The following OGN variants were observed in gnomAD, a reference collection of about 807,000 sequenced individuals.
The protein encoded by OGN is osteoglycin.
OGN carries 19 observed loss-of-function variants against 30.8 expected under a neutral mutation model. The ratio of observed to expected loss-of-function variants is 0.62; its 90% CI spans 0.43 to 0.90. The LOEUF is 0.90. Ranked by LOEUF, OGN falls within the 40% of genes least tolerant of loss-of-function variation. The pLI is 0.00. For synonymous variants in OGN, 126 were observed against 128.3 expected (o/e 0.98, Z 0.12); for missense variants, 283 against 349.7 (o/e 0.81, Z 1.52).
chr9:92,394,607 T>G (rs182760426), intron 3 of OGN, among the ~76,000 whole-genome samples: 1 of 152,002 alleles, frequency 6.6e-6, no homozygotes, highest in East Asian at 1.9e-4. Context: ...TTTTTTGAAT[T>G]TTTTTTCTTT....
Position 92,394,522 on chromosome 9 carries a change from A to T in OGN, c.269-1278T>A, listed in dbSNP as rs2130907604. ...TGCCTCGGTCTCCCAAAGTGCCGGG[A>T]TTACAGACGTGAGCCATCACACCTG... On this transcript the variant is annotated intron_variant, in intron 3 of 6. Transcript: ENST00000375561. Among the ~76,000 whole-genome samples, 3 of 151,118 alleles carry T rather than the reference A, an allele frequency of 2.0e-5. No homozygotes were observed. The South Asian group carries it at 6.3e-4, about 32-fold the overall frequency.
At chr9:92,390,495 G>A (rs952560685) in intron 4 of OGN, among the ~76,000 whole-genome samples, 2 of 151,894 alleles carry the variant, frequency 1.3e-5, no homozygotes. Context: ...ATGCCTTATC[G>A]CTTAACAACA....
Position 92,385,404 on chromosome 9 carries a change from T to G in OGN, c.*216A>C, listed in dbSNP as rs1842378585. ...TAAACTAGGATTTTGTAATGCTGTT[T>G]AAATATTTTCATATTACTTTGTTTC... On this transcript the variant is annotated 3_prime_UTR_variant, in exon 7 of 7. Coordinates refer to ENST00000375561, the MANE Select transcript of OGN (RefSeq NM_014057.5). The G allele has an allele frequency of 2.1e-6, 1 of 476,464 alleles. No individual in the cohort carries two copies. The highest frequency in any genetic ancestry group is 3.8e-5 in the Admixed American group (1 of 26,420). The allele number at this position is 476,464 out of a possible 1,614,324, so 29.5% of individuals were successfully genotyped here.
rs147678135 is a variant in OGN, at chr9:92,400,629, A to T, written c.268+463T>A. ...GATAGAGTAAGAGTAAGCCAAGTAC[A>T]CAGGAATTATTAAGTAGGACTTGTA... is the stretch of plus-strand genomic sequence containing the variant. On this transcript the variant is annotated intron_variant, in intron 3 of 6. Transcript: ENST00000375561. Among the ~76,000 whole-genome samples the T allele has an allele frequency of 5.3e-5, 8 of 152,366 alleles. No homozygotes were observed. The East Asian group carries it at 1.5e-3, about 29-fold the overall frequency.
At chr9:92,393,030 T>C in intron 4 of OGN, 56 bp downstream of exon 4, 2 of 1,428,850 alleles carry the variant, frequency 1.4e-6, no homozygotes, top group South Asian at 2.6e-5. Context: ...CTTGTGTTTA[T>C]ATGAGTTAAA....
chr9:92,401,679 A>G (rs1278086189), intron 2 of OGN, among the ~76,000 whole-genome samples: 1 of 152,142 alleles, frequency 6.6e-6, no homozygotes, highest in Admixed American at 6.5e-5. Flanking sequence ...TTAATTACCT[A>G]TATCCCTCCA....
In OGN at chr9:92,385,720, C is replaced by T. The variant is rs770580940; in HGVS notation, c.797G>A (p.Arg266His). The T allele has an allele frequency of 1.3e-5, 21 of 1,613,850 alleles. No homozygotes were observed. The highest frequency in any genetic ancestry group is 7.7e-5 in the South Asian group (7 of 91,076). The part of the protein sequence containing the change: ...KANDTSYIRD[R>H]IEEIRLEGNP... ...GCCCTCCAGGCGTATCTCTTCAATGCGGTCCCGGATGTAACTGGTGTCATT... is the reference window on the plus strand; with the variant it reads ...GCCCTCCAGGCGTATCTCTTCAATGTGGTCCCGGATGTAACTGGTGTCATT... The change falls in exon 7 of 7, where the codon CGC becomes CAC. Residue 266 changes from arginine (R) to histidine (H), a missense_variant. By Grantham distance (29) the Arg-to-His change is conservative. Coordinates refer to ENST00000375561, the MANE Select transcript of OGN (RefSeq NM_014057.5).
At chr9:92,394,999 C>T (rs1588092636) in intron 3 of OGN, among the ~76,000 whole-genome samples, 1 of 152,116 alleles carries the variant, frequency 6.6e-6, no homozygotes, top group Non-Finnish European at 1.5e-5. Context: ...CAAATTGTCA[C>T]AGATTAGGCC....
At chr9:92,388,410 C>T (rs147190248) in intron 5 of OGN, among the ~76,000 whole-genome samples, 3,406 of 152,156 alleles carry the variant, frequency 0.022, 55 homozygotes, top group South Asian at 0.071. Flanking sequence ...GATCCGCCTG[C>T]CTCATCCTCC....
intron 4 of OGN, among the ~76,000 whole-genome samples, chr9:92,392,492 C>T (rs1255014671): frequency 6.6e-6 from 1 of 151,904 alleles, no homozygotes; most frequent in Non-Finnish European, 1.5e-5. Context: ...TGTGGTGGCA[C>T]ACACCTCAGC....
At position 92,403,274 on chromosome 9, in the gene OGN, T is replaced by C. The variant is rs772194179; in HGVS notation, c.134A>G (p.Gln45Arg). 6.2e-7 allele frequency: 1 copy of C among 1,603,612 alleles called. No homozygotes were observed. Among genetic ancestry groups the C allele is most frequent in the Admixed American group, 1.7e-5 (1 of 59,780 alleles). Residue 45 changes from glutamine to arginine, a missense_variant, in exon 2 of 7, where the codon CAA becomes CGA. Coordinates refer to ENST00000375561, the MANE Select transcript of OGN (RefSeq NM_014057.5). ...ATCCAGGTATTTATCCTCATAATCT[T>C]GGCTAAATATGGATTCTTCAAAATT... ...TDNFEESIFS[Q>R]DYEDKYLDGK...
chr9:92,384,878 A>G lies in OGN; in HGVS notation c.*742T>C, dbSNP rs578048491. On this transcript the variant is annotated 3_prime_UTR_variant, in exon 7 of 7. Transcript: ENST00000375561. ...GAACTTTTCATTATTTCTTATAAGC[A>G]TATTGGTTTTGGCCTGCTTGAGTTT... 1 of 152,588 alleles carries G rather than the reference A, an allele frequency of 6.6e-6. No individual in the cohort carries two copies. Among genetic ancestry groups the G allele is most frequent in the Admixed American group, 6.5e-5 (1 of 15,288 alleles). The allele number at this position is 152,588 out of a possible 1,614,324, so 9.5% of individuals were successfully genotyped here.
chr9:92,396,024 G>A (rs1232647239), intron 3 of OGN, among the ~76,000 whole-genome samples: 2 of 151,740 alleles, frequency 1.3e-5, no homozygotes, highest in Non-Finnish European at 2.9e-5. Context: ...TATACTTTGG[G>A]CTAATTTTTA....
Position 92,384,068 on chromosome 9 carries a change from A to G in OGN, c.*1552T>C, listed in dbSNP as rs1342830176. On this transcript the variant is annotated 3_prime_UTR_variant, in exon 7 of 7. Coordinates refer to ENST00000375561, the MANE Select transcript of OGN (RefSeq NM_014057.5). The stretch of plus-strand genomic sequence containing the variant: ...TTGAAAGTAAAAAGTATAAAGCTGC[A>G]TTTTGCGCTCTCAGTGAGGTTTAAG... 1 of 152,198 alleles carries G rather than the reference A, an allele frequency of 6.6e-6. No individual in the cohort carries two copies. The highest frequency in any genetic ancestry group is 6.5e-5 in the Admixed American group (1 of 15,286). The allele number at this position is 152,198 out of a possible 1,614,324, so 9.4% of individuals were successfully genotyped here.
chr9:92,395,183 C>T (rs1350113775), intron 3 of OGN, among the ~76,000 whole-genome samples: 1 of 152,154 alleles, frequency 6.6e-6, no homozygotes, highest in Non-Finnish European at 1.5e-5. Context: ...TTCTCCTGCC[C>T]TTTGGTAATC....
intron 2 of OGN, among the ~76,000 whole-genome samples, chr9:92,402,261 TATC>T (rs1324664695): frequency 5.3e-5 from 8 of 152,168 alleles, no homozygotes; most frequent in African/African-American, 1.9e-4. Flanking sequence ...AAAATAATGC[TATC>T]ATATTAAAAG....
At chr9:92,404,098 C>T (rs747538892) in intron 1 of OGN, among the ~76,000 whole-genome samples, 38 of 152,016 alleles carry the variant, frequency 2.5e-4, no homozygotes, top group Non-Finnish European at 3.8e-4. Flanking sequence ...GAGGAAATAC[C>T]GAACTTTAAT....
chr9:92,387,668 A>G (rs138338233), intron 5 of OGN, among the ~76,000 whole-genome samples: 59 of 152,324 alleles, frequency 3.9e-4, no homozygotes, highest in African/African-American at 1.4e-3. Flanking sequence ...CTTCCCAGTG[A>G]GTCTCATTTA....
rs774564800 is a variant in OGN, at chr9:92,390,003, C to G, written c.481G>C (p.Gly161Arg). 1 of 1,609,336 alleles carries G rather than the reference C, an allele frequency of 6.2e-7. No homozygotes were observed. The highest frequency in any genetic ancestry group is 1.7e-5 in the Admixed American group (1 of 59,994). Residue 161 changes from glycine to arginine, a missense_variant, in exon 5 of 7, where the codon GGT becomes CGT. Gly to Arg is a moderately radical substitution (Grantham distance 125, BLOSUM62 -2). Coordinates refer to ENST00000375561, the MANE Select transcript of OGN (RefSeq NM_014057.5). Reference sequence around the variant, plus strand: ...AACAGAGAAAGTTTTGAAAAAGTACCATCTTCTATATCTTCTATCAAATTT... The same window carrying G: ...AACAGAGAAAGTTTTGAAAAAGTACGATCTTCTATATCTTCTATCAAATTT... Reference protein sequence around the residue: ...TGNLIEDIEDGTFSKLSLLEE... With the variant: ...TGNLIEDIEDRTFSKLSLLEE...
Sources: gnomAD v4.1 joint callset for allele counts (sites outside exome capture counted in the v4.1 genomes callset) on GRCh38, gnomAD v4.1.1 for gene constraint, MANE v1.5 for transcripts, NCBI Gene and HGNC (gene_info 2026-07-23, HGNC 2026-07-21) for gene names.